Variants in CNGA1 observed in about 807,000 individuals in gnomAD.
CNGA1 encodes the protein cyclic nucleotide-gated channel alpha-1.
A neutral mutation model predicts 69.7 loss-of-function variants in CNGA1; 53 were observed. The observed-to-expected ratio is 0.76, with a 90% confidence interval of 0.61 to 0.96. The LOEUF is 0.96. Ranked by LOEUF, CNGA1 falls within the 40% of genes least tolerant of loss-of-function variation. The probability of loss-of-function intolerance (pLI) is 0.00; values close to 1 mark genes in which losing one functional copy is unlikely to be tolerated. For missense variants in CNGA1, 739 were observed against 811.2 expected (o/e 0.91, Z 1.08); for synonymous variants, 249 against 283.5 (o/e 0.88, Z 1.22).
intron 6 of CNGA1, among the ~76,000 whole-genome samples, chr4:47,948,580 G>T (rs192175415): frequency 6.6e-6 from 1 of 152,072 alleles, no homozygotes; most frequent in Non-Finnish European, 1.5e-5. Context: ...ATTAAGCTAC[G>T]GCTACTCCCC....
intron 2 of CNGA1, among the ~76,000 whole-genome samples, chr4:47,981,881 ATTACATT>A (rs1470192596): frequency 6.6e-6 from 1 of 152,206 alleles, no homozygotes; most frequent in African/African-American, 2.4e-5. Flanking sequence ...ACAAAGTATA[ATTACATT>A]TTCAAATACA....
At chr4:47,985,972 A>G (rs758114486) in intron 2 of CNGA1, among the ~76,000 whole-genome samples, 1 of 152,232 alleles carries the variant, frequency 6.6e-6, no homozygotes, top group Non-Finnish European at 1.5e-5. Context: ...TAAAGAGGAC[A>G]CTTCATAATT....
intron 2 of CNGA1, among the ~76,000 whole-genome samples, chr4:48,000,009 T>C (rs1440839453): frequency 6.6e-6 from 1 of 152,264 alleles, no homozygotes; most frequent in South Asian, 2.1e-4. Flanking sequence ...ACAGAACTTC[T>C]AGAAATTAAA....
rs74695982 is a variant in CNGA1, at chr4:48,016,655, C to T, written c.-395G>A. On this transcript the variant is annotated 5_prime_UTR_variant, in exon 1 of 11. Coordinates refer to ENST00000514170, the MANE Select transcript of CNGA1 (RefSeq NM_001379270.1). ...GGGGCCCTGAGAATTCGCAACAAGCCCCGGGCAGCAGGGCTCGGCTGGCGC... is the reference window on the plus strand; with the variant it reads ...GGGGCCCTGAGAATTCGCAACAAGCTCCGGGCAGCAGGGCTCGGCTGGCGC... 1,391 of 567,498 alleles carry T rather than the reference C, an allele frequency of 2.5e-3. 16 individuals are homozygous for T. The highest frequency in any genetic ancestry group is 0.024 in the African/African-American group (1,180 of 49,664). 35.2% of individuals were successfully genotyped at this position (567,498 alleles called of 1,614,324 possible). A position where few individuals can be genotyped will look rare whatever the true frequency, so the allele number is the denominator to read the frequency against.
intron 2 of CNGA1, among the ~76,000 whole-genome samples, chr4:48,006,882 C>A (rs1714943142): frequency 1.3e-5 from 2 of 151,946 alleles, no homozygotes; most frequent in South Asian, 4.2e-4. Flanking sequence ...CTTGGCCTCC[C>A]AAAATGCTTG....
At chr4:47,945,479 AC>A (rs1739344283) in intron 6 of CNGA1, among the ~76,000 whole-genome samples, 1 of 152,196 alleles carries the variant, frequency 6.6e-6, no homozygotes, top group Non-Finnish European at 1.5e-5. Flanking sequence ...ACTGTTTGGC[AC>A]AGGATCCATG....
intron 3 of CNGA1, among the ~76,000 whole-genome samples, chr4:47,958,055 C>T (rs1013116172): frequency 2.6e-5 from 4 of 151,824 alleles, no homozygotes; most frequent in Admixed American, 1.3e-4. Flanking sequence ...CCACCACACC[C>T]AGCTAATTTT....
At position 47,943,419 on chromosome 4, in the gene CNGA1, A is replaced by G. The variant is rs1739216343; in HGVS notation, c.288-7T>C. The G allele has an allele frequency of 2.8e-6, 4 of 1,424,246 alleles. No individual in the cohort carries two copies. Among genetic ancestry groups the G allele is most frequent in the Non-Finnish European group, 2.8e-6 (3 of 1,055,936 alleles). 88.2% of individuals were successfully genotyped at this position (1,424,246 alleles called of 1,614,324 possible). Reference sequence around the variant, plus strand: ...CTTTTTTTCTTCTGGTTCCCTAAAGAAAAAAATAATATATCTGTCACATAA... The same window carrying G: ...CTTTTTTTCTTCTGGTTCCCTAAAGGAAAAAATAATATATCTGTCACATAA... On this transcript the variant is annotated splice_region_variant and splice_polypyrimidine_tract_variant and intron_variant, in intron 6 of 10. Coordinates refer to ENST00000514170, the MANE Select transcript of CNGA1 (RefSeq NM_001379270.1).
chr4:47,998,090 G>C (rs1714470274), intron 2 of CNGA1, among the ~76,000 whole-genome samples: 1 of 152,184 alleles, frequency 6.6e-6, no homozygotes, highest in African/African-American at 2.4e-5. Context: ...TATGGCATTA[G>C]AGAAATGGGG....
At chr4:47,966,591 G>A (rs1005532735) in intron 3 of CNGA1, among the ~76,000 whole-genome samples, 1 of 152,156 alleles carries the variant, frequency 6.6e-6, no homozygotes, top group Non-Finnish European at 1.5e-5. Flanking sequence ...ACATTACTCT[G>A]CATTATTTGC....
At chr4:47,959,597 G>C (rs1220240611) in intron 3 of CNGA1, among the ~76,000 whole-genome samples, 1 of 152,026 alleles carries the variant, frequency 6.6e-6, no homozygotes, top group Non-Finnish European at 1.5e-5. Flanking sequence ...GCACAAAAAA[G>C]ACACTCAATC....
At chr4:47,995,005 A>G (rs1211756653) in intron 2 of CNGA1, among the ~76,000 whole-genome samples, 1 of 152,030 alleles carries the variant, frequency 6.6e-6, no homozygotes, top group African/African-American at 2.4e-5. Flanking sequence ...GAAGATAGAT[A>G]GAATCCCTTC....
chr4:48,016,469 ATTCC>A lies in CNGA1; in HGVS notation c.-223+10_-223+13del. The A allele has an allele frequency of 3.3e-6, 1 of 306,694 alleles. No individual in the cohort carries two copies. Among genetic ancestry groups the A allele is most frequent in the Non-Finnish European group, 6.0e-6 (1 of 166,152 alleles). The allele number at this position is 306,694 out of a possible 1,614,324, so 19.0% of individuals were successfully genotyped here. Reference sequence around the variant, plus strand: ...CTCAGTGCAGCCTCCACTCCACTCAATTCCCGGAGTTACCTTGGCGGGCTCCACG... The same window carrying A: ...CTCAGTGCAGCCTCCACTCCACTCAACGGAGTTACCTTGGCGGGCTCCACG... On this transcript the variant is annotated intron_variant, in intron 1 of 10. Coordinates refer to ENST00000514170, the MANE Select transcript of CNGA1 (RefSeq NM_001379270.1).
In CNGA1 at chr4:47,936,811, T is replaced by C; in HGVS notation, c.1671A>G (p.Arg557=). Residue 557 remains arginine, a synonymous_variant, in exon 11 of 11, where the codon AGA becomes AGG. Coordinates refer to ENST00000514170, the MANE Select transcript of CNGA1 (RefSeq NM_001379270.1). ...AGCCAATACTTTTAATATTGGCCGT[T>C]CTTCGATTGCCAGCTTTGCTCCCTT... The part of the protein sequence containing the change: ...NIKGSKAGNR[R]TANIKSIGYS... 1 of 1,614,198 alleles carries C rather than the reference T, an allele frequency of 6.2e-7. No individual in the cohort carries two copies. Among genetic ancestry groups the C allele is most frequent in the Non-Finnish European group, 8.5e-7 (1 of 1,180,040 alleles).
At chr4:48,011,950 A>G (rs1715185679) in intron 1 of CNGA1, among the ~76,000 whole-genome samples, 1 of 152,192 alleles carries the variant, frequency 6.6e-6, no homozygotes, top group South Asian at 2.1e-4. Context: ...ATCTTAGTTA[A>G]TCGCTTTAGG....
At chr4:47,979,861 T>C (rs1475214122) in intron 3 of CNGA1, among the ~76,000 whole-genome samples, 1 of 152,202 alleles carries the variant, frequency 6.6e-6, no homozygotes, top group East Asian at 1.9e-4. Context: ...CTGCAATGGC[T>C]GTTTTGTTGA....
chr4:48,004,039 G>A (rs7680711), intron 2 of CNGA1, among the ~76,000 whole-genome samples: 2 of 152,186 alleles, frequency 1.3e-5, no homozygotes, highest in Non-Finnish European at 2.9e-5. Flanking sequence ...CTTCTAGTCC[G>A]CCTTCATGTT....
At chr4:48,016,005 T>G (rs1039978196) in intron 1 of CNGA1, among the ~76,000 whole-genome samples, 1 of 152,240 alleles carries the variant, frequency 6.6e-6, no homozygotes, top group African/African-American at 2.4e-5. Flanking sequence ...TGAGCGTTAA[T>G]AGACTGCTGT....
chr4:47,936,366 C>T lies in CNGA1; in HGVS notation c.*55G>A. 6.3e-7 allele frequency: 1 copy of T among 1,580,904 alleles called. No homozygotes were observed. The highest frequency in any genetic ancestry group is 8.7e-7 in the Non-Finnish European group (1 of 1,150,142). On this transcript the variant is annotated 3_prime_UTR_variant, in exon 11 of 11. Transcript: ENST00000514170. ...CTTTTAAATTTTAGTTGATGTCAGT[C>T]ATAGGATCAAAAGGATCATGAGGCA... is the stretch of plus-strand genomic sequence containing the variant.
Sources: gnomAD v4.1 joint callset for allele counts (sites outside exome capture counted in the v4.1 genomes callset) on GRCh38, gnomAD v4.1.1 for gene constraint, MANE v1.5 for transcripts, NCBI Gene and HGNC (gene_info 2026-07-23, HGNC 2026-07-21) for gene names.